CDC123: variants seen among roughly 807,000 people sequenced by gnomAD.
CDC123 encodes cell division cycle 123.
A neutral mutation model predicts 54.4 loss-of-function variants in CDC123; 37 were observed. The observed-to-expected ratio is 0.68, with a 90% CI of 0.52 to 0.89. The LOEUF is 0.89. CDC123 is among the 40% of genes least tolerant of loss of function. CDC123 has a pLI of 0.00. For synonymous variants in CDC123, 144 were observed against 136.8 expected (o/e 1.05, Z -0.37); for missense variants, 361 against 412.1 (o/e 0.88, Z 1.07).
chr10:12,197,224 G>C (rs188435419), intron 1 of CDC123, among the ~76,000 whole-genome samples: 4 of 152,284 alleles, frequency 2.6e-5, no homozygotes, highest in African/African-American at 7.2e-5. Flanking sequence ...TCAGCAAATA[G>C]ACATATTAAG....
intron 6 of CDC123, among the ~76,000 whole-genome samples, chr10:12,221,159 C>T (rs928839756): frequency 2.0e-5 from 3 of 151,554 alleles, no homozygotes; most frequent in Admixed American, 6.6e-5. Flanking sequence ...ATGTTACAGT[C>T]AGAATTGCAA....
intron 1 of CDC123, among the ~76,000 whole-genome samples, chr10:12,196,775 G>A (rs889613150): frequency 1.3e-5 from 2 of 152,132 alleles, no homozygotes; most frequent in Non-Finnish European, 2.9e-5. Context: ...GACGATATAC[G>A]TATTCTTGAA....
chr10:12,218,618 T>C (rs907338870), intron 6 of CDC123, among the ~76,000 whole-genome samples: 1 of 152,224 alleles, frequency 6.6e-6, no homozygotes, highest in Admixed American at 6.5e-5. Flanking sequence ...TTATTTTCCA[T>C]TCCCTTAGTG....
At chr10:12,200,120 A>ATT (rs543337462) in intron 2 of CDC123, among the ~76,000 whole-genome samples, 31,261 of 58,970 alleles carry the variant, frequency 0.53, 10,512 homozygotes, top group Middle Eastern at 0.67. Flanking sequence ...CGCACTCGGC[A>ATT]TTTTTTTTTT....
chr10:12,215,060 C>T (rs541014963), intron 4 of CDC123, among the ~76,000 whole-genome samples: 84 of 152,190 alleles, frequency 5.5e-4, no homozygotes, highest in African/African-American at 2.0e-3. Flanking sequence ...GCTTAAGTTC[C>T]TGTTTAACAG....
In CDC123 at chr10:12,196,284, G is replaced by C; in HGVS notation, c.39G>C (p.Ala13=). The C allele has an allele frequency of 6.2e-7, 1 of 1,613,936 alleles. No individual in the cohort carries two copies. Among genetic ancestry groups the C allele is most frequent in the Non-Finnish European group, 8.5e-7 (1 of 1,179,882 alleles). The change falls in exon 1 of 13, where the codon GCG becomes GCC. Residue 13 remains alanine, a synonymous_variant. Transcript: ENST00000281141. ...KEHVLHCQFS[A]WYPFFRGVTI... ...ATGTGCTTCACTGCCAGTTCTCCGC[G>C]TGGTACCCGTTCTTCCGAGGCGTTA...
chr10:12,227,022 G>A (rs1043414195), intron 6 of CDC123, among the ~76,000 whole-genome samples: 4 of 152,186 alleles, frequency 2.6e-5, no homozygotes, highest in African/African-American at 9.7e-5. Context: ...GGGAGGCCGA[G>A]GCTAGCAGAT....
At chr10:12,227,942 G>A (rs1282667130) in intron 6 of CDC123, among the ~76,000 whole-genome samples, 2 of 152,112 alleles carry the variant, frequency 1.3e-5, no homozygotes, top group Admixed American at 6.6e-5. Context: ...ACTTGTGAGA[G>A]TTCATGACCT....
At chr10:12,209,880 T>G in intron 2 of CDC123, 87 bp from the exon 3 acceptor site, 1 of 1,312,604 alleles carries the variant, frequency 7.6e-7, no homozygotes, top group African/African-American at 1.4e-5. Context: ...TAAGGCTATT[T>G]AAAAACATAT....
intron 10 of CDC123, among the ~76,000 whole-genome samples, chr10:12,239,138 G>C (rs1836020327): frequency 6.6e-6 from 1 of 152,028 alleles, no homozygotes; most frequent in African/African-American, 2.4e-5. Context: ...CAGGGTGACA[G>C]AGTGAGACCC....
intron 4 of CDC123, among the ~76,000 whole-genome samples, 161 bp from the exon 5 acceptor site, chr10:12,215,579 T>C (rs1165747263): frequency 6.6e-6 from 1 of 152,220 alleles, no homozygotes; most frequent in Non-Finnish European, 1.5e-5. Context: ...AAATGTACTT[T>C]ATCACTGATT....
chr10:12,241,816 G>C (rs1836061900), intron 10 of CDC123, among the ~76,000 whole-genome samples: 1 of 152,116 alleles, frequency 6.6e-6, no homozygotes, highest in Non-Finnish European at 1.5e-5. Context: ...CCTGTCATTA[G>C]AACTGTCTCC....
rs937991849 is a variant in CDC123 at position 12,249,677 on chromosome 10, A to G, written c.943A>G (p.Thr315Ala). Residue 315 changes from threonine to alanine, a missense_variant, in exon 12 of 13, where the codon ACT becomes GCT. Physicochemically the swap from Thr to Ala is moderately conservative, Grantham distance 58 (BLOSUM62 0). Transcript: ENST00000281141. Reference sequence around the variant, plus strand: ...ACCCAAGGACTTTGTAGACCTCTCTACTGGGGAGGACGCTCACAAGCTAAT... The same window carrying G: ...ACCCAAGGACTTTGTAGACCTCTCTGCTGGGGAGGACGCTCACAAGCTAAT... ...RLPKDFVDLS[T>A]GEDAHKLIDF... is the part of the protein sequence containing the mutation. The G allele has an allele frequency of 3.7e-6, 6 of 1,614,076 alleles. No individual in the cohort carries two copies. Among genetic ancestry groups the G allele is most frequent in the Non-Finnish European group, 5.1e-6 (6 of 1,180,016 alleles).
chr10:12,201,240 A>G (rs1345967276), intron 2 of CDC123, among the ~76,000 whole-genome samples: 2 of 152,248 alleles, frequency 1.3e-5, no homozygotes, highest in South Asian at 2.1e-4. Flanking sequence ...TCTAATGCCC[A>G]CTATATTGTA....
chr10:12,196,267 C>T lies in CDC123; in HGVS notation c.22C>T (p.His8Tyr), dbSNP rs1564430178. 1 of 1,613,976 alleles carries T rather than the reference C, an allele frequency of 6.2e-7. No individual in the cohort carries two copies. Among genetic ancestry groups the T allele is most frequent in the Non-Finnish European group, 8.5e-7 (1 of 1,179,890 alleles). The stretch of plus-strand genomic sequence containing the variant: ...GAGGATGAAGAAGGAGCATGTGCTT[C>T]ACTGCCAGTTCTCCGCGTGGTACCC... MKKEHVLHCQFSAWYPFF... is the reference protein window; with the variant it reads MKKEHVLYCQFSAWYPFF... Residue 8 changes from histidine to tyrosine, a missense_variant, in exon 1 of 13, where the codon CAC becomes TAC. Transcript: ENST00000281141.
rs1164410189 is a variant in CDC123, at chr10:12,220,111, G to C, written c.440+2644G>C. Among the ~76,000 whole-genome samples, 3 of 152,206 alleles carry C rather than the reference G, an allele frequency of 2.0e-5. No individual in the cohort carries two copies. In the East Asian group the frequency reaches 5.8e-4, roughly 29 times the overall value. The stretch of plus-strand genomic sequence containing the variant: ...TTCCTGAAGTGCTGGGATTACAAGC[G>C]TGAGCCACTGTGCCTGGCCCTTATA... On this transcript the variant is annotated intron_variant, in intron 6 of 12. Transcript: ENST00000281141.
At position 12,246,224 on chromosome 10, in the gene CDC123, A is replaced by T. The variant is rs1451310147; in HGVS notation, c.793A>T (p.Ile265Leu). The T allele has an allele frequency of 1.9e-6, 3 of 1,614,182 alleles. No homozygotes were observed. The highest frequency in any genetic ancestry group is 1.3e-5 in the African/African-American group (1 of 75,052). The change falls in exon 11 of 13, where the codon ATA (isoleucine) becomes TTA (leucine). Residue 265 changes from isoleucine to leucine, a missense_variant. Transcript: ENST00000281141. ...ACTGCTGTTCACCTGGGAAGAACTG[A>T]TATCTGAGAACAACTTAAACGGCGA... is the stretch of plus-strand genomic sequence containing the variant. ...DSLLFTWEEL[I>L]SENNLNGDFS...
intron 7 of CDC123, among the ~76,000 whole-genome samples, chr10:12,232,599 T>C (rs117059997): frequency 0.035 from 5,299 of 152,162 alleles, 112 homozygotes; most frequent in Non-Finnish European, 0.037. Context: ...GATTCTTATA[T>C]ACAACTTGTG....
intron 6 of CDC123, among the ~76,000 whole-genome samples, chr10:12,226,856 C>T (rs1015474539): frequency 1.3e-5 from 2 of 152,060 alleles, no homozygotes; most frequent in African/African-American, 2.4e-5. Flanking sequence ...GACGGGGTGG[C>T]GGCTGGGCAG....
Sources: allele counts gnomAD v4.1 joint callset (sites outside exome capture counted in the v4.1 genomes callset), GRCh38; gene constraint gnomAD v4.1.1; transcripts MANE v1.5; gene names NCBI Gene and HGNC (gene_info 2026-07-23, HGNC 2026-07-21).